Variants in SLC71A1 observed in about 807,000 individuals in gnomAD.
SLC71A1 encodes the protein solute carrier family 71 member 1.
chr1:100,074,683 C>T, the SLC71A1 span, among the ~76,000 whole-genome samples: 2 of 152,010 alleles, frequency 1.3e-5, no homozygotes, highest in Non-Finnish European at 2.9e-5. Flanking sequence ...TCGAAACCAG[C>T]CTGGCCAATA....
At chr1:100,046,957 G>A in the SLC71A1 span, among the ~76,000 whole-genome samples, 2 of 152,130 alleles carry the variant, frequency 1.3e-5, no homozygotes, top group Non-Finnish European at 2.9e-5. Context: ...TAGTTTTTTG[G>A]TGGAGTATTT....
chr1:100,064,564 CA>C, the SLC71A1 span, among the ~76,000 whole-genome samples: 1 of 152,192 alleles, frequency 6.6e-6, no homozygotes, highest in African/African-American at 2.4e-5. Flanking sequence ...AAGCAACCAA[CA>C]ATTTAGCTTC....
the SLC71A1 span, among the ~76,000 whole-genome samples, chr1:100,063,802 G>C: frequency 1.3e-5 from 2 of 152,132 alleles, no homozygotes; most frequent in Non-Finnish European, 2.9e-5. Context: ...CTCCAAAAAA[G>C]GGGGTTGGGG....
the SLC71A1 span, among the ~76,000 whole-genome samples, chr1:100,070,361 C>T: frequency 1.3e-5 from 2 of 152,160 alleles, no homozygotes; most frequent in East Asian, 1.9e-4. Context: ...AACAGGGGGC[C>T]AGTGCGGCTC....
chr1:100,077,090 T>C, the SLC71A1 span: 7 of 703,068 alleles, frequency 1.0e-5, no homozygotes, highest in South Asian at 1.3e-4. Context: ...GTGCCAATAG[T>C]CCTTTTATAG....
chr1:100,067,589 T>G, the SLC71A1 span, among the ~76,000 whole-genome samples: 9 of 151,980 alleles, frequency 5.9e-5, no homozygotes, highest in South Asian at 2.1e-4. Flanking sequence ...GGTGGGAGGA[T>G]CGCTTGAGCT....
the SLC71A1 span, chr1:100,059,950 C>A: frequency 6.2e-7 from 1 of 1,613,066 alleles, no homozygotes; most frequent in South Asian, 1.1e-5. Flanking sequence ...ATCCTTCTTG[C>A]TGCTAACGGT....
At chr1:100,038,338 C>G in the SLC71A1 span, 22 of 1,549,536 alleles carry the variant, frequency 1.4e-5, no homozygotes, top group African/African-American at 2.7e-5. Context: ...TCCGCGCCGG[C>G]GAGCGTCCCT....
the SLC71A1 span, among the ~76,000 whole-genome samples, chr1:100,074,374 A>T: frequency 6.6e-6 from 1 of 152,144 alleles, no homozygotes; most frequent in Admixed American, 6.5e-5. Flanking sequence ...CAGGAGTTCG[A>T]GACCAGCCTG....
chr1:100,043,305 A>G, the SLC71A1 span: 1 of 531,798 alleles, frequency 1.9e-6, no homozygotes, highest in Non-Finnish European at 2.4e-6. Context: ...GCATTATTTT[A>G]AATTGGAAGT....
At chr1:100,043,150 TCTC>T in the SLC71A1 span, 3 of 982,498 alleles carry the variant, frequency 3.1e-6, no homozygotes, top group African/African-American at 3.5e-5. Flanking sequence ...CTGCAGAAAT[TCTC>T]CTACAGTTGA....
At chr1:100,038,353 G>T in the SLC71A1 span, 2 of 1,530,844 alleles carry the variant, frequency 1.3e-6, no homozygotes, top group African/African-American at 2.8e-5. Flanking sequence ...GTCCCTCGGG[G>T]CCCCCATCCG....
chr1:100,044,404 T>G, the SLC71A1 span, among the ~76,000 whole-genome samples: 2 of 152,162 alleles, frequency 1.3e-5, no homozygotes, highest in Admixed American at 6.5e-5. Context: ...TTTGTTTTTT[T>G]TCTTGCTGAT....
chr1:100,068,601 C>T, the SLC71A1 span: 28 of 1,393,700 alleles, frequency 2.0e-5, no homozygotes, highest in Non-Finnish European at 2.6e-5. Flanking sequence ...AATCCTCTTC[C>T]ACTAAGGTGG....
the SLC71A1 span, among the ~76,000 whole-genome samples, chr1:100,057,347 C>T: frequency 6.7e-6 from 1 of 149,272 alleles, no homozygotes; most frequent in Non-Finnish European, 1.5e-5. Context: ...TTTTTTTTTC[C>T]TTTTTCTTTC....
chr1:100,038,333 G>T, the SLC71A1 span: 3 of 1,551,178 alleles, frequency 1.9e-6, no homozygotes, highest in South Asian at 3.6e-5. Flanking sequence ...TGAGTTCCGC[G>T]CCGGCGAGCG....
chr1:100,053,384 A>T, the SLC71A1 span, among the ~76,000 whole-genome samples: 1 of 151,792 alleles, frequency 6.6e-6, no homozygotes, highest in South Asian at 2.1e-4. Context: ...TTTCTGTTTT[A>T]TGTGTTTTGA....
the SLC71A1 span, among the ~76,000 whole-genome samples, chr1:100,072,501 A>G: frequency 2.0e-5 from 3 of 152,066 alleles, no homozygotes; most frequent in South Asian, 6.2e-4. Context: ...GGATTATATC[A>G]TATTCATTTT....
chr1:100,038,121 C>T, the SLC71A1 span: 11 of 923,030 alleles, frequency 1.2e-5, no homozygotes, highest in Admixed American at 1.5e-4. Flanking sequence ...CTCAAGATGG[C>T]GGCGGGCGCC....
Sources: allele counts gnomAD v4.1 joint callset (sites outside exome capture counted in the v4.1 genomes callset), GRCh38; gene constraint gnomAD v4.1.1; transcripts MANE v1.5; gene names NCBI Gene and HGNC (gene_info 2026-07-23, HGNC 2026-07-21).